The following XIAP variants were observed in gnomAD, a reference collection of about 807,000 sequenced individuals.
The protein encoded by XIAP is X-linked inhibitor of apoptosis.
A neutral mutation model predicts 33.1 loss-of-function variants in XIAP; 3 were observed. That is an observed-to-expected ratio of 0.09 (90% CI 0.04 to 0.23). XIAP has a LOEUF of 0.23. XIAP is among the 10% of genes least tolerant of loss of function. XIAP has a pLI of 1.00. For missense variants in XIAP, 264 were observed against 363.0 expected (o/e 0.73, Z 2.22); for synonymous variants, 98 against 121.3 (o/e 0.81, Z 1.26).
At chrX:123,896,294 T>C (rs1453745867) in intron 5 of XIAP, among the ~76,000 whole-genome samples, 1 of 110,180 alleles carries the variant, frequency 9.1e-6, no homozygotes, top group African/African-American at 3.3e-5. Context: ...CTCGAACCCC[T>C]GGGCTCAAAC....
chrX:123,866,460 A>T (rs1287721836), intron 1 of XIAP, among the ~76,000 whole-genome samples: 2 of 98,542 alleles, frequency 2.0e-5, no homozygotes, highest in Non-Finnish European at 4.0e-5. Flanking sequence ...TATATGATAT[A>T]AATTATATTA....
chrX:123,882,859 A>G (rs2053315665), intron 1 of XIAP, among the ~76,000 whole-genome samples: 1 of 111,300 alleles, frequency 9.0e-6, no homozygotes, highest in Non-Finnish European at 1.9e-5. Context: ...GCTCACTGCA[A>G]CCTCCACTTC....
rs371001250 is a variant in XIAP, at chrX:123,912,000, T to G, written c.*4819T>G. On this transcript the variant is annotated 3_prime_UTR_variant, in exon 7 of 7. Transcript: ENST00000371199. ...AGCAGAGCCCTGACTGGGACATAGT[T>G]TGAAGGTGAAAAACTTCACCAAGCT... The G allele has an allele frequency of 4.9e-5, 16 of 326,845 alleles. No homozygotes were observed. Among genetic ancestry groups the G allele is most frequent in the African/African-American group, 2.4e-4 (9 of 37,418 alleles). 26.9% of individuals were successfully genotyped at this position (326,845 alleles called of 1,213,427 possible).
At chrX:123,868,322 CAAAA>C (rs1326710117) in intron 1 of XIAP, among the ~76,000 whole-genome samples, 1 of 111,320 alleles carries the variant, frequency 9.0e-6, no homozygotes. Flanking sequence ...AACAAACAAA[CAAAA>C]AACCCAGGGT....
At chrX:123,906,660 C>T (rs937697433) in intron 6 of XIAP, among the ~76,000 whole-genome samples, 1 of 112,212 alleles carries the variant, frequency 8.9e-6, no homozygotes, top group Non-Finnish European at 1.9e-5. Context: ...CCTCCTCCCC[C>T]GATCCAGCCA....
Position 123,900,588 on chromosome X carries a change from A to G in XIAP, c.1195A>G (p.Ile399Val). 8.3e-7 allele frequency: 1 copy of G among 1,211,478 alleles called. No individual in the cohort carries two copies. Among genetic ancestry groups the G allele is most frequent in the Non-Finnish European group, 1.1e-6 (1 of 895,036 alleles). Residue 399 changes from isoleucine to valine, a missense_variant, in exon 6 of 7, where the codon ATA becomes GTA. Coordinates refer to ENST00000371199, the MANE Select transcript of XIAP (RefSeq NM_001167.4). ...IKKIMEEKIQISGSNYKSLEV... is the reference protein window; with the variant it reads ...IKKIMEEKIQVSGSNYKSLEV... ...GAAAATAATGGAGGAAAAAATTCAG[A>G]TATCTGGGAGCAACTATAAATCACT...
intron 1 of XIAP, among the ~76,000 whole-genome samples, chrX:123,871,587 C>G (rs1307208212): frequency 9.2e-6 from 1 of 108,490 alleles, no homozygotes; most frequent in Admixed American, 1.0e-4. Flanking sequence ...CTCAAGTGAT[C>G]CTCCCACCTC....
At chrX:123,882,026 A>G (rs1475076752) in intron 1 of XIAP, among the ~76,000 whole-genome samples, 1 of 111,986 alleles carries the variant, frequency 8.9e-6, no homozygotes, top group Non-Finnish European at 1.9e-5. Flanking sequence ...AAGTGTTGGG[A>G]TTACAGGCGT....
At chrX:123,881,510 T>G (rs1202073530) in intron 1 of XIAP, among the ~76,000 whole-genome samples, 2 of 111,413 alleles carry the variant, frequency 1.8e-5, no homozygotes, top group Non-Finnish European at 1.9e-5. Flanking sequence ...AAGCTCACAC[T>G]CTGCTAATGT....
intron 6 of XIAP, among the ~76,000 whole-genome samples, chrX:123,904,952 A>T (rs1165380479): frequency 9.0e-6 from 1 of 111,665 alleles, no homozygotes; most frequent in East Asian, 2.8e-4. Flanking sequence ...TTTTTACACT[A>T]TTTTGGGACT....
chrX:123,863,364 C>G (rs2053098724), intron 1 of XIAP, among the ~76,000 whole-genome samples: 1 of 109,597 alleles, frequency 9.1e-6, no homozygotes, highest in African/African-American at 3.3e-5. Flanking sequence ...GGCAGGAGAA[C>G]CACTTGAGCC....
chrX:123,881,419 C>A (rs1250615573), intron 1 of XIAP, among the ~76,000 whole-genome samples: 1 of 111,234 alleles, frequency 9.0e-6, no homozygotes, highest in Non-Finnish European at 1.9e-5. Flanking sequence ...TCCTCCAAAC[C>A]CAAGGTTTCT....
In XIAP at chrX:123,892,762, C is replaced by G; in HGVS notation, c.1088C>G (p.Thr363Ser). 8.4e-7 allele frequency: 1 copy of G among 1,194,317 alleles called. No individual in the cohort carries two copies. The highest frequency in any genetic ancestry group is 1.1e-6 in the Non-Finnish European group (1 of 880,647). ...VRTTEKTPSL[T>S]RRIDDTIFQN... Reference sequence around the variant, plus strand: ...ACTACTGAGAAAACACCATCACTAACTAGAAGAATTGGTAAATATGCTTGT... The same window carrying G: ...ACTACTGAGAAAACACCATCACTAAGTAGAAGAATTGGTAAATATGCTTGT... Residue 363 changes from threonine to serine, a missense_variant, in exon 5 of 7, where the codon ACT becomes AGT. Coordinates refer to ENST00000371199, the MANE Select transcript of XIAP (RefSeq NM_001167.4).
rs184451393 is a variant in XIAP, at chrX:123,888,552, G to A, written c.878-67G>A. The A allele has an allele frequency of 7.1e-4, 705 of 991,399 alleles. 3 individuals carry two copies. In the African/African-American group the frequency reaches 0.012, roughly 17 times the overall value. 81.7% of individuals were successfully genotyped at this position (991,399 alleles called of 1,213,427 possible). ...TTTTAGATGTGCTTAATTTTTAGGTGTTAAATGAATATTTTTGTGTAAGCT... is the reference window on the plus strand; with the variant it reads ...TTTTAGATGTGCTTAATTTTTAGGTATTAAATGAATATTTTTGTGTAAGCT... On this transcript the variant is annotated intron_variant, in intron 2 of 6. Transcript: ENST00000371199.
At chrX:123,891,216 G>A (rs1338752356) in intron 3 of XIAP, 22 bp from the exon 4 acceptor site, 2 of 880,022 alleles carry the variant, frequency 2.3e-6, no homozygotes, top group Non-Finnish European at 3.3e-6. Context: ...AGCTACTAAA[G>A]TTTAATCTTT....
intron 1 of XIAP, 188 bp downstream of exon 1, chrX:123,860,481 A>G (rs2053069300): frequency 1.5e-5 from 4 of 258,200 alleles, no homozygotes; most frequent in South Asian, 1.4e-4. Flanking sequence ...TGCCGACGGC[A>G]GGCGTGGGTG....
At chrX:123,867,413 C>A (rs2053151939) in intron 1 of XIAP, among the ~76,000 whole-genome samples, 1 of 103,933 alleles carries the variant, frequency 9.6e-6, no homozygotes, top group South Asian at 4.4e-4. Flanking sequence ...CTCACTCTGT[C>A]CCCCAGGCTG....
chrX:123,892,621 T>C (rs2053418117), intron 4 of XIAP, 110 bp from the exon 5 acceptor site: 2 of 647,586 alleles, frequency 3.1e-6, no homozygotes, highest in Non-Finnish European at 2.5e-6. Context: ...ATATATTGAA[T>C]TGGAATAAAG....
chrX:123,910,062 T>G lies in XIAP; in HGVS notation c.*2881T>G. 2 of 328,993 alleles carry G rather than the reference T, an allele frequency of 6.1e-6. No homozygotes were observed. Among genetic ancestry groups the G allele is most frequent in the Non-Finnish European group, 1.2e-5 (2 of 169,728 alleles). The allele number at this position is 328,993 out of a possible 1,213,427, so 27.1% of individuals were successfully genotyped here. A position where few individuals can be genotyped will look rare whatever the true frequency, so the allele number is the denominator to read the frequency against. ...AGTCACCACTTATTTTACATTTTAG[T>G]CATGCAAAGATTCAAGTAGTTTTGC... On this transcript the variant is annotated 3_prime_UTR_variant, in exon 7 of 7. Coordinates refer to ENST00000371199, the MANE Select transcript of XIAP (RefSeq NM_001167.4).
Sources: allele counts gnomAD v4.1 joint callset (sites outside exome capture counted in the v4.1 genomes callset), GRCh38; gene constraint gnomAD v4.1.1; transcripts MANE v1.5; gene names NCBI Gene and HGNC (gene_info 2026-07-23, HGNC 2026-07-21).